Variants in PEPD observed in about 807,000 individuals in gnomAD.
PEPD encodes the protein xaa-Pro dipeptidase.
A neutral mutation model predicts 60.7 loss-of-function variants in PEPD; 53 were observed. The ratio of observed to expected loss-of-function variants is 0.87; its 90% CI spans 0.70 to 1.10. The LOEUF (loss-of-function observed/expected upper bound fraction) is 1.10, where lower values mean the gene tolerates loss of function less well. PEPD is among the 50% of genes least tolerant of loss of function. PEPD has a pLI of 0.00. For synonymous variants in PEPD, 267 were observed against 284.1 expected, an observed-to-expected ratio of 0.94 and a Z score of 0.60; for missense variants, 711 against 711.9, an observed-to-expected ratio of 1.00 and a Z score of 0.01.
At position 33,417,636 on chromosome 19, in the gene PEPD, C is replaced by T. The variant is rs557684061; in HGVS notation, c.672-3993G>A. 4.0e-3 allele frequency among the ~76,000 whole-genome samples: 605 copies of T among 152,260 alleles called. 2 individuals carry two copies. The highest frequency in any genetic ancestry group is 7.1e-3 in the Non-Finnish European group (486 of 68,024). On this transcript the variant is annotated intron_variant, in intron 9 of 14. Transcript: ENST00000244137. ...AATGATTTAACATACATGGAGTATA[C>T]ACAATGGTGCCTGGTACCCAAGGAG... is the stretch of plus-strand genomic sequence containing the variant.
In PEPD at chr19:33,401,710, C is replaced by T. The variant is rs979411312; in HGVS notation, c.967+11G>A. On this transcript the variant is annotated intron_variant, in intron 12 of 14. Transcript: ENST00000244137. ...GTCAGATGCGCCTCCCCCCACCGAC[C>T]CGCTGCTCACCTGGCTTCATGGCAC... is the stretch of plus-strand genomic sequence containing the variant. 4.4e-6 allele frequency: 7 copies of T among 1,603,410 alleles called. No homozygotes were observed. Among genetic ancestry groups the T allele is most frequent in the Admixed American group, 1.7e-5 (1 of 58,884 alleles).
chr19:33,509,751 G>C (rs1172477830), intron 3 of PEPD, among the ~76,000 whole-genome samples: 2 of 152,262 alleles, frequency 1.3e-5, no homozygotes, highest in African/African-American at 4.8e-5. Context: ...GAGGCAGCCA[G>C]CATTTAGCGG....
chr19:33,438,143 A>G (rs1451024251), intron 9 of PEPD, among the ~76,000 whole-genome samples: 1 of 152,210 alleles, frequency 6.6e-6, no homozygotes, highest in Non-Finnish European at 1.5e-5. Flanking sequence ...CCAGGAACCC[A>G]GCTGGGATCT....
At chr19:33,475,117 C>G (rs1398084993) in intron 7 of PEPD, among the ~76,000 whole-genome samples, 1 of 152,044 alleles carries the variant, frequency 6.6e-6, no homozygotes, top group Non-Finnish European at 1.5e-5. Flanking sequence ...ACCACATCTC[C>G]GTTTTACAGA....
At chr19:33,447,864 T>G (rs73588295) in intron 9 of PEPD, among the ~76,000 whole-genome samples, 1,828 of 152,298 alleles carry the variant, frequency 0.012, 40 homozygotes, top group African/African-American at 0.041. Flanking sequence ...ACCCTCAGCC[T>G]GAACCACAAA....
At chr19:33,415,078 C>A (rs138947248) in intron 9 of PEPD, among the ~76,000 whole-genome samples, 1 of 152,166 alleles carries the variant, frequency 6.6e-6, no homozygotes, top group East Asian at 1.9e-4. Context: ...GCCAGACAGG[C>A]AGCCTCAGAA....
rs1311562993 is a variant in PEPD, at chr19:33,391,351, G to A, written c.1096C>T (p.His366Tyr). 9 of 1,611,092 alleles carry A rather than the reference G, an allele frequency of 5.6e-6. No individual in the cohort carries two copies. Among genetic ancestry groups the A allele is most frequent in the Non-Finnish European group, 6.8e-6 (8 of 1,179,130 alleles). The change falls in exon 13 of 15, where the codon CAC (histidine) becomes TAC (tyrosine). Residue 366 changes from histidine (H) to tyrosine (Y), a missense_variant. By Grantham distance (83) the His-to-Tyr change is moderately conservative (BLOSUM62 2). Coordinates refer to ENST00000244137, the MANE Select transcript of PEPD (RefSeq NM_000285.4). ...ATGCCCAGGAAGTGGCCAAGCCCGT[G>A]AGGCATAAACACGGCCCCCAGGTGA... ...QAHLGAVFMP[H>Y]GLGHFLGIDV...
At chr19:33,450,567 A>C (rs1969679334) in intron 9 of PEPD, among the ~76,000 whole-genome samples, 1 of 152,234 alleles carries the variant, frequency 6.6e-6, no homozygotes. Context: ...CACTGAAAGT[A>C]CTGAATCAAA....
chr19:33,396,792 G>T (rs1968377128), intron 12 of PEPD, among the ~76,000 whole-genome samples: 2 of 152,130 alleles, frequency 1.3e-5, no homozygotes, highest in Admixed American at 1.3e-4. Flanking sequence ...CGGAGGGCAT[G>T]GGGCCCTCAG....
At chr19:33,467,993 G>T (rs76425706) in intron 7 of PEPD, among the ~76,000 whole-genome samples, 1 of 152,176 alleles carries the variant, frequency 6.6e-6, no homozygotes, top group Non-Finnish European at 1.5e-5. Flanking sequence ...GATACAGCGC[G>T]AGTAAACACA....
intron 7 of PEPD, among the ~76,000 whole-genome samples, chr19:33,473,706 C>A (rs1970167418): frequency 6.6e-6 from 1 of 152,142 alleles, no homozygotes; most frequent in African/African-American, 2.4e-5. Flanking sequence ...TAATCATCTG[C>A]AAAACAGTAA....
chr19:33,454,130 G>A (rs1969752671), intron 9 of PEPD, among the ~76,000 whole-genome samples: 1 of 152,174 alleles, frequency 6.6e-6, no homozygotes, highest in African/African-American at 2.4e-5. Flanking sequence ...GATGAGCCCG[G>A]TGCAACCCGC....
intron 9 of PEPD, among the ~76,000 whole-genome samples, chr19:33,444,315 A>C (rs1195267934): frequency 6.6e-6 from 1 of 152,106 alleles, no homozygotes; most frequent in Non-Finnish European, 1.5e-5. Flanking sequence ...TCTCCATTCA[A>C]AATCATGGAC....
chr19:33,516,487 C>T (rs1971024925), intron 1 of PEPD, among the ~76,000 whole-genome samples: 1 of 152,044 alleles, frequency 6.6e-6, no homozygotes, highest in Admixed American at 6.5e-5. Context: ...AACCAAGACC[C>T]AGTAAGCAGC....
chr19:33,428,502 C>T (rs1969200107), intron 9 of PEPD, among the ~76,000 whole-genome samples: 2 of 152,340 alleles, frequency 1.3e-5, no homozygotes, highest in African/African-American at 4.8e-5. Flanking sequence ...CTCCTGGCAG[C>T]TGCTGCCCTT....
At position 33,512,754 on chromosome 19, in the gene PEPD, C is replaced by T; in HGVS notation, c.40G>A (p.Glu14Lys). ...ATGPSFWLGN[E>K]TLKVPLALFA... ...AGCGCCAGCGGCACCTTCAGGGTTT[C>T]ATTCCCCAGCCAAAACGAGGGTCTG... The change falls in exon 2 of 15, where the codon GAA becomes AAA. Residue 14 changes from glutamate (E) to lysine (K), a missense_variant. Glu to Lys is a moderately conservative substitution (Grantham distance 56, BLOSUM62 1). Transcript: ENST00000244137. 1 of 1,614,126 alleles carries T rather than the reference C, an allele frequency of 6.2e-7. No homozygotes were observed. The highest frequency in any genetic ancestry group is 8.5e-7 in the Non-Finnish European group (1 of 1,180,006).
intron 9 of PEPD, among the ~76,000 whole-genome samples, chr19:33,449,556 T>C (rs573694435): frequency 3.1e-4 from 47 of 152,100 alleles, no homozygotes; most frequent in African/African-American, 1.1e-3. Flanking sequence ...AGCAGGAGAA[T>C]GGGAGACAGG....
chr19:33,412,334 G>T (rs183967057), intron 10 of PEPD, among the ~76,000 whole-genome samples: 16 of 152,304 alleles, frequency 1.1e-4, no homozygotes, highest in Non-Finnish European at 1.9e-4. Context: ...GCAAAAGAGG[G>T]AGACCCTGTC....
intron 12 of PEPD, among the ~76,000 whole-genome samples, chr19:33,400,048 G>A (rs1405229702): frequency 6.6e-6 from 1 of 152,196 alleles, no homozygotes; most frequent in Non-Finnish European, 1.5e-5. Flanking sequence ...GCGCTACTGG[G>A]CTATCCCCTC....
Sources: allele counts gnomAD v4.1 joint callset (sites outside exome capture counted in the v4.1 genomes callset), GRCh38; gene constraint gnomAD v4.1.1; transcripts MANE v1.5; gene names NCBI Gene and HGNC (gene_info 2026-07-23, HGNC 2026-07-21).